SEZ6L: variants seen among roughly 807,000 people sequenced by gnomAD.
SEZ6L encodes seizure related 6 homolog like.
In SEZ6L, 37 loss-of-function variants were observed where a neutral mutation model predicts 106.2. The observed-to-expected ratio is 0.35, with a 90% confidence interval of 0.27 to 0.46. The LOEUF is 0.46. SEZ6L is among the 20% of genes least tolerant of loss of function. The probability of loss-of-function intolerance (pLI) is 1.00; values close to 1 mark genes in which losing one functional copy is unlikely to be tolerated. For synonymous variants in SEZ6L, 541 were observed against 570.4 expected (o/e 0.95, Z 0.73); for missense variants, 1,172 against 1,332.8 (o/e 0.88, Z 1.88).
intron 1 of SEZ6L, among the ~76,000 whole-genome samples, chr22:26,191,907 T>G (rs770704308): frequency 6.6e-6 from 1 of 152,142 alleles, no homozygotes; most frequent in East Asian, 1.9e-4. Context: ...TTAAATGTCT[T>G]TAATGACAGC....
At chr22:26,374,941 G>A (rs2084168598) in intron 14 of SEZ6L, among the ~76,000 whole-genome samples, 1 of 152,164 alleles carries the variant, frequency 6.6e-6, no homozygotes, top group Non-Finnish European at 1.5e-5. Flanking sequence ...TCATTGGGGT[G>A]TGCAGGACAG....
At chr22:26,192,807 GC>G (rs1177490164) in intron 1 of SEZ6L, among the ~76,000 whole-genome samples, 4 of 152,134 alleles carry the variant, frequency 2.6e-5, no homozygotes, top group Admixed American at 1.3e-4. Flanking sequence ...GACAGATTAT[GC>G]AAAAGGCCTA....
intron 11 of SEZ6L, among the ~76,000 whole-genome samples, chr22:26,348,646 A>AAGAAAGAAAGAAAGAGAAAG (rs1556371589): frequency 7.8e-4 from 6 of 7,692 alleles, no homozygotes; most frequent in East Asian, 0.01. Context: ...GAAAGAAAGA[A>AAGAAAGAAAGAAAGAGAAAG]AAAGAAAGAA....
At chr22:26,346,623 G>A (rs1254275519) in intron 10 of SEZ6L, among the ~76,000 whole-genome samples, 1 of 152,188 alleles carries the variant, frequency 6.6e-6, no homozygotes, top group Non-Finnish European at 1.5e-5. Context: ...GCAGTCACCT[G>A]AAGGCTTGAT....
chr22:26,245,838 T>C (rs1211581483), intron 1 of SEZ6L, among the ~76,000 whole-genome samples: 4 of 152,212 alleles, frequency 2.6e-5, no homozygotes, highest in Non-Finnish European at 5.9e-5. Context: ...CTGCTACTGC[T>C]GCTATTGTCA....
At chr22:26,171,047 C>G (rs1938568591) in intron 1 of SEZ6L, among the ~76,000 whole-genome samples, 1 of 152,224 alleles carries the variant, frequency 6.6e-6, no homozygotes, top group Non-Finnish European at 1.5e-5. Flanking sequence ...CAACCCTTCC[C>G]GGTGGCCTGG....
At chr22:26,287,291 C>G (rs1379860129) in intron 1 of SEZ6L, among the ~76,000 whole-genome samples, 1 of 152,064 alleles carries the variant, frequency 6.6e-6, no homozygotes, top group Admixed American at 6.5e-5. Flanking sequence ...AGTTGATTAT[C>G]AGTGTGTGTG....
chr22:26,326,595 G>T (rs1452461191), intron 9 of SEZ6L, among the ~76,000 whole-genome samples: 1 of 152,200 alleles, frequency 6.6e-6, no homozygotes, highest in African/African-American at 2.4e-5. Context: ...CCTCCGAGGG[G>T]TGAAATGGCT....
chr22:26,312,098 C>T, intron 8 of SEZ6L, 136 bp downstream of exon 8: 1 of 866,676 alleles, frequency 1.2e-6, no homozygotes, highest in Non-Finnish European at 1.7e-6. Context: ...TTCCAGGGTT[C>T]ACTGTCCTTT....
In SEZ6L at chr22:26,293,133, C is replaced by A; in HGVS notation, c.822C>A (p.Thr274=). 6.5e-7 allele frequency: 1 copy of A among 1,549,884 alleles called. No individual in the cohort carries two copies. The highest frequency in any genetic ancestry group is 2.4e-5 in the East Asian group (1 of 42,360). Residue 274 remains threonine (T), a synonymous_variant, in exon 2 of 17, where the codon ACC becomes ACA. Transcript: ENST00000248933. ...STIITTTVIT[T]EQAPALCSVS... ...TTATCACCACCACGGTCATCACCAC[C>A]GAGCAGGCACCAGGTATGCAGCCCC...
chr22:26,316,892 G>A (rs200825157), intron 9 of SEZ6L, among the ~76,000 whole-genome samples: 2 of 103,676 alleles, frequency 1.9e-5, no homozygotes, highest in African/African-American at 3.7e-5. Flanking sequence ...AAGAAAGAAA[G>A]AGAAAGAAAG....
At chr22:26,334,735 ATCT>A (rs1279972600) in intron 9 of SEZ6L, among the ~76,000 whole-genome samples, 2 of 152,272 alleles carry the variant, frequency 1.3e-5, no homozygotes, top group East Asian at 1.9e-4. Context: ...GGGAGCTGAG[ATCT>A]TCTGCCAGGA....
intron 10 of SEZ6L, among the ~76,000 whole-genome samples, chr22:26,346,203 G>A (rs955015597): frequency 1.3e-5 from 2 of 151,432 alleles, no homozygotes; most frequent in African/African-American, 4.9e-5. Flanking sequence ...CATTTTTTTG[G>A]TTTTATTATT....
At chr22:26,203,019 A>G (rs778144181) in intron 1 of SEZ6L, among the ~76,000 whole-genome samples, 2 of 152,210 alleles carry the variant, frequency 1.3e-5, no homozygotes, top group Non-Finnish European at 2.9e-5. Context: ...TTATCATTGC[A>G]GCTCCCACTG....
At chr22:26,374,596 G>A (rs1013728849) in intron 14 of SEZ6L, among the ~76,000 whole-genome samples, 1 of 152,184 alleles carries the variant, frequency 6.6e-6, no homozygotes, top group East Asian at 1.9e-4. Context: ...GCTTATGAGA[G>A]CCATTGTAAC....
At chr22:26,227,137 G>A (rs1364927775) in intron 1 of SEZ6L, among the ~76,000 whole-genome samples, 6 of 152,204 alleles carry the variant, frequency 3.9e-5, no homozygotes, top group Non-Finnish European at 8.8e-5. Context: ...GCACATAGTA[G>A]TCTCTGCTCA....
chr22:26,223,713 G>T (rs926778420), intron 1 of SEZ6L, among the ~76,000 whole-genome samples: 1 of 152,148 alleles, frequency 6.6e-6, no homozygotes, highest in Non-Finnish European at 1.5e-5. Flanking sequence ...ATCAAATAAT[G>T]CATATAAAAC....
chr22:26,222,595 T>C (rs1264444347), intron 1 of SEZ6L, among the ~76,000 whole-genome samples: 1 of 151,968 alleles, frequency 6.6e-6, no homozygotes, highest in Non-Finnish European at 1.5e-5. Flanking sequence ...AAACTGAGGA[T>C]TGGAGAGAAA....
chr22:26,326,241 T>C (rs2082302319), intron 9 of SEZ6L, among the ~76,000 whole-genome samples: 1 of 152,180 alleles, frequency 6.6e-6, no homozygotes, highest in Non-Finnish European at 1.5e-5. Flanking sequence ...GCCTTGTCGG[T>C]GCACCCCTAC....
Sources: allele counts gnomAD v4.1 joint callset (sites outside exome capture counted in the v4.1 genomes callset), GRCh38; gene constraint gnomAD v4.1.1; transcripts MANE v1.5; gene names NCBI Gene and HGNC (gene_info 2026-07-23, HGNC 2026-07-21).